The following CMIP variants were observed in gnomAD, a reference collection of about 807,000 sequenced individuals.
The protein encoded by CMIP is c-Maf inducing protein.
CMIP carries 13 observed loss-of-function variants against 97.3 expected under a neutral mutation model. The ratio of observed to expected loss-of-function variants is 0.13; its 90% CI spans 0.09 to 0.21. The LOEUF (loss-of-function observed/expected upper bound fraction) is 0.21. Ranked by LOEUF, CMIP falls within the 10% of genes least tolerant of loss-of-function variation. CMIP has a pLI of 1.00. For synonymous variants in CMIP, 538 were observed against 436.3 expected, an observed-to-expected ratio of 1.23 and a Z score of -2.91; for missense variants, 847 against 1,024.9, an observed-to-expected ratio of 0.83 and a Z score of 2.37.
At chr16:81,673,249 C>T (rs2092699088) in intron 9 of CMIP, among the ~76,000 whole-genome samples, 1 of 152,130 alleles carries the variant, frequency 6.6e-6, no homozygotes, top group Non-Finnish European at 1.5e-5. Context: ...GGCGCAGTAG[C>T]TCACACCTGT....
At chr16:81,691,632 G>C (rs1480197740) in intron 10 of CMIP, 143 bp from the exon 11 acceptor site, 1 of 686,170 alleles carries the variant, frequency 1.5e-6, no homozygotes, top group African/African-American at 1.8e-5. Flanking sequence ...GCTCATCCTG[G>C]AGGTGGAAGT....
intron 2 of CMIP, among the ~76,000 whole-genome samples, chr16:81,610,085 C>A (rs532121702): frequency 6.6e-6 from 1 of 152,156 alleles, no homozygotes. Context: ...CTTTCCTGCT[C>A]CACCAGCAAA....
chr16:81,595,769 A>T (rs2091545644), intron 1 of CMIP, among the ~76,000 whole-genome samples: 1 of 152,314 alleles, frequency 6.6e-6, no homozygotes, highest in East Asian at 1.9e-4. Flanking sequence ...TGGATAGACA[A>T]CATTTTGTTT....
At chr16:81,610,957 G>A (rs1291243604) in intron 2 of CMIP, among the ~76,000 whole-genome samples, 1 of 152,154 alleles carries the variant, frequency 6.6e-6, no homozygotes, top group Non-Finnish European at 1.5e-5. Context: ...CTGCTCCAGG[G>A]TGGGAGAGGG....
chr16:81,693,323 C>G, intron 12 of CMIP, 116 bp from the exon 13 acceptor site: 1 of 1,444,094 alleles, frequency 6.9e-7, no homozygotes, highest in Non-Finnish European at 9.6e-7. Context: ...GTCCCTGATC[C>G]ACCGCCTTGC....
At chr16:81,483,198 C>T (rs2089257813) in intron 1 of CMIP, among the ~76,000 whole-genome samples, 2 of 152,250 alleles carry the variant, frequency 1.3e-5, no homozygotes, top group Admixed American at 6.5e-5. Flanking sequence ...TGAGAGGTGA[C>T]ACTTGAGCAG....
At chr16:81,454,696 A>G (rs190173747) in intron 1 of CMIP, among the ~76,000 whole-genome samples, 3 of 152,338 alleles carry the variant, frequency 2.0e-5, no homozygotes, top group Non-Finnish European at 4.4e-5. Context: ...TTCCCTCCCA[A>G]GGGACTCATA....
chr16:81,516,947 C>A (rs561324247), intron 1 of CMIP, among the ~76,000 whole-genome samples: 1 of 151,322 alleles, frequency 6.6e-6, no homozygotes, highest in African/African-American at 2.4e-5. Context: ...AGTGAAAAAC[C>A]AGATGGCCTC....
intron 3 of CMIP, among the ~76,000 whole-genome samples, chr16:81,643,675 C>G (rs886635851): frequency 2.3e-4 from 35 of 152,022 alleles, no homozygotes; most frequent in Non-Finnish European, 5.1e-4. Flanking sequence ...GCCTATAATC[C>G]CAGCTGCTGG....
At position 81,453,183 on chromosome 16, in the gene CMIP, G is replaced by T. The variant is rs1481588405; in HGVS notation, c.300+7642G>T. On this transcript the variant is annotated intron_variant, in intron 1 of 20. Transcript: ENST00000537098. The surrounding 1 kb of genome is among the most constrained non-coding windows in gnomAD (Gnocchi z 4.0). ...AAACCCAGACTCCTGCCTTCCCATG[G>T]CATCCTTTGTTCGTGGCTCTACTGC... Among the ~76,000 whole-genome samples the T allele has an allele frequency of 6.6e-6, 1 of 152,202 alleles. No homozygotes were observed. Among genetic ancestry groups the T allele is most frequent in the Non-Finnish European group, 1.5e-5 (1 of 68,032 alleles).
chr16:81,580,716 G>A (rs1216423229), intron 1 of CMIP, among the ~76,000 whole-genome samples: 2 of 151,750 alleles, frequency 1.3e-5, no homozygotes, highest in African/African-American at 2.4e-5. Flanking sequence ...GATTACAGGC[G>A]TGAGCCACTG....
At position 81,551,485 on chromosome 16, in the gene CMIP, G is replaced by A. The variant is rs117704511; in HGVS notation, c.301-56082G>A. On this transcript the variant is annotated intron_variant, in intron 1 of 20. Transcript: ENST00000537098. ...GAAGCAGAAAAATGAAAAAACATTT[G>A]GGGTCCTGAGGAAGGAAGCACAGAG... Among the ~76,000 whole-genome samples the A allele has an allele frequency of 3.9e-3, 599 of 152,350 alleles. 3 individuals are homozygous for A. Among genetic ancestry groups the A allele is most frequent in the Admixed American group, 8.6e-3 (131 of 15,300 alleles).
Sources: gnomAD v4.1 joint callset for allele counts (sites outside exome capture counted in the v4.1 genomes callset) on GRCh38, gnomAD v4.1.1 for gene constraint, Gnocchi (gnomAD v3.1) non-coding constraint, MANE v1.5 for transcripts, NCBI Gene and HGNC (gene_info 2026-07-23, HGNC 2026-07-21) for gene names.